Variants in WDR88 observed in about 807,000 individuals in gnomAD.
The protein encoded by WDR88 is WD repeat domain 88.
In WDR88, 40 loss-of-function variants were observed where a neutral mutation model predicts 46.8. The observed-to-expected ratio is 0.86, with a 90% CI of 0.66 to 1.11. The LOEUF is 1.11. Ranked by LOEUF, WDR88 falls within the 50% of genes most tolerant of loss-of-function variation. WDR88 has a pLI of 0.00. For synonymous variants in WDR88, 235 were observed against 240.7 expected (o/e 0.98, Z 0.22); for missense variants, 562 against 602.4 (o/e 0.93, Z 0.70).
chr19:33,174,940 G>A (rs1420472447), intron 10 of WDR88: 4 of 985,340 alleles, frequency 4.1e-6, no homozygotes, highest in Non-Finnish European at 3.6e-6. Flanking sequence ...TGGGGTTAGA[G>A]ATTCCAGAGA....
chr19:33,152,741 A>G (rs903738672), intron 6 of WDR88, among the ~76,000 whole-genome samples: 10 of 151,998 alleles, frequency 6.6e-5, no homozygotes, highest in African/African-American at 2.2e-4. Flanking sequence ...AGCTGGGATT[A>G]CAGGCGCCCA....
chr19:33,156,174 A>G (rs930995569), intron 6 of WDR88, among the ~76,000 whole-genome samples, 181 bp from the exon 7 acceptor site: 2 of 152,250 alleles, frequency 1.3e-5, no homozygotes, highest in Non-Finnish European at 2.9e-5. Flanking sequence ...CATGATGAAC[A>G]TGAGCTCACA....
chr19:33,132,323 A>G lies in WDR88; in HGVS notation c.154A>G (p.Thr52Ala). ...LGRFKLSIPH[T>A]HLLATLDPLA... is the part of the protein sequence containing the mutation. ...CCGCTTCAAGCTGTCGATCCCGCACACGCACCTGCTGGCCACCCTCGACCC... is the reference window on the plus strand; with the variant it reads ...CCGCTTCAAGCTGTCGATCCCGCACGCGCACCTGCTGGCCACCCTCGACCC... Residue 52 changes from threonine (T) to alanine (A), a missense_variant, in exon 1 of 11, where the codon ACG (threonine) becomes GCG (alanine). Physicochemically the swap from Thr to Ala is moderately conservative, Grantham distance 58 (BLOSUM62 0). Transcript: ENST00000355868. 1 of 1,614,106 alleles carries G rather than the reference A, an allele frequency of 6.2e-7. No homozygotes were observed. The highest frequency in any genetic ancestry group is 1.6e-4 in the Middle Eastern group (1 of 6,062).
intron 9 of WDR88, among the ~76,000 whole-genome samples, chr19:33,171,669 CTAT>C (rs537591829): frequency 6.7e-6 from 1 of 148,314 alleles, no homozygotes; most frequent in Non-Finnish European, 1.5e-5. Flanking sequence ...CTTTCAGGAA[CTAT>C]TATTAACTAA....
chr19:33,146,252 C>T (rs1311418662), intron 3 of WDR88, among the ~76,000 whole-genome samples: 5 of 152,076 alleles, frequency 3.3e-5, no homozygotes, highest in African/African-American at 7.2e-5. Context: ...GCTGAGGTCA[C>T]GCCATTGCAC....
chr19:33,157,683 GTATGTATATA>G (rs1175839982), intron 7 of WDR88, among the ~76,000 whole-genome samples: 109 of 6,448 alleles, frequency 0.017, 5 homozygotes, highest in East Asian at 0.05. Context: ...GTGTGTGTAT[GTATGTATATA>G]TATATATATA....
At chr19:33,144,981 T>G (rs3848599) in intron 3 of WDR88, 49 bp downstream of exon 3, 663,663 of 1,551,318 alleles carry the variant, frequency 0.43, 159,846 homozygotes, top group African/African-American at 0.9. Flanking sequence ...TGAGCAGGCA[T>G]GCCATAAATA....
intron 7 of WDR88, among the ~76,000 whole-genome samples, chr19:33,157,543 A>ATATATATATG (rs1568367345): frequency 1.8e-5 from 2 of 109,060 alleles, no homozygotes; most frequent in Non-Finnish European, 3.3e-5. Flanking sequence ...ATATATATGT[A>ATATATATATG]TATATATGTG....
chr19:33,169,558 TA>T (rs1257911787), intron 9 of WDR88, among the ~76,000 whole-genome samples: 1 of 150,932 alleles, frequency 6.6e-6, no homozygotes, highest in Non-Finnish European at 1.5e-5. Flanking sequence ...TCACATCTAT[TA>T]GGGGGTCTAT....
Position 33,132,462 on chromosome 19 carries a change from G to T in WDR88, c.276+17G>T, listed in dbSNP as rs1404835845. ...CTCTCCAAGGTCAGAACCGCCGCTG[G>T]GGTGAGGGGGCACTGGCCTGTTCCC... On this transcript the variant is annotated intron_variant, in intron 1 of 10. Coordinates refer to ENST00000355868, the MANE Select transcript of WDR88 (RefSeq NM_173479.4). 6.2e-7 allele frequency: 1 copy of T among 1,612,002 alleles called. No homozygotes were observed. The highest frequency in any genetic ancestry group is 2.2e-5 in the East Asian group (1 of 44,814).
chr19:33,136,819 C>T (rs149088301), intron 1 of WDR88, among the ~76,000 whole-genome samples: 3,606 of 152,084 alleles, frequency 0.024, 53 homozygotes, highest in Middle Eastern at 0.065. Context: ...TCAAGTGATC[C>T]GCCTGCTTCA....
Position 33,157,663 on chromosome 19 carries a change from A to ATG in WDR88, c.997+1123_997+1124dup, listed in dbSNP as rs3033603. ...TATGTGTGTGTGTATGTATATATGT[A>ATG]TGTATGTGTGTGTGTGTATGTATGT... On this transcript the variant is annotated intron_variant, in intron 7 of 10. Coordinates refer to ENST00000355868, the MANE Select transcript of WDR88 (RefSeq NM_173479.4). Among the ~76,000 whole-genome samples the ATG allele has an allele frequency of 1.2e-4, 10 of 85,598 alleles. 1 individual carries two copies. The highest frequency in any genetic ancestry group is 6.1e-4 in the Admixed American group (4 of 6,572). The allele number at this position is 85,598 out of a possible 152,430, so 56.2% of individuals were successfully genotyped here. A position where few individuals can be genotyped will look rare whatever the true frequency, so the allele number is the denominator to read the frequency against.
intron 5 of WDR88, among the ~76,000 whole-genome samples, chr19:33,150,341 A>C (rs1418078952): frequency 6.6e-6 from 1 of 152,142 alleles, no homozygotes; most frequent in Non-Finnish European, 1.5e-5. Flanking sequence ...AATCCCAGCT[A>C]CTCGGGAGGC....
rs1303269994 is a variant in WDR88, at chr19:33,157,603, GTA to G, written c.997+1069_997+1070del. On this transcript the variant is annotated intron_variant, in intron 7 of 10. Coordinates refer to ENST00000355868, the MANE Select transcript of WDR88 (RefSeq NM_173479.4). ...TATATATGTATATATGTGTATATAT[GTA>G]TATATATGTGTATATATATATGTAT... 6.7e-3 allele frequency among the ~76,000 whole-genome samples: 918 copies of G among 136,078 alleles called. 7 individuals are homozygous for G. The highest frequency in any genetic ancestry group is 8.0e-3 in the Non-Finnish European group (514 of 64,338). The allele number at this position is 136,078 out of a possible 152,430, so 89.3% of individuals were successfully genotyped here.
At chr19:33,148,219 C>A (rs1973559255) in intron 4 of WDR88, among the ~76,000 whole-genome samples, 1 of 152,016 alleles carries the variant, frequency 6.6e-6, no homozygotes, top group African/African-American at 2.4e-5. Context: ...CTCGGCCCTG[C>A]ACCCCTTCCA....
chr19:33,132,263 A>C lies in WDR88; in HGVS notation c.94A>C (p.Lys32Gln). Residue 32 changes from lysine to glutamine, a missense_variant, in exon 1 of 11, where the codon AAG (lysine) becomes CAG (glutamine). By Grantham distance (53) the Lys-to-Gln change is moderately conservative. Coordinates refer to ENST00000355868, the MANE Select transcript of WDR88 (RefSeq NM_173479.4). ...CCCCGCCAGCGAGTATTGTCCCGGC[A>C]AGCTGTCCTGGGGGACCATGGCGAG... ...SAPASEYCPG[K>Q]LSWGTMARAL... 6.2e-7 allele frequency: 1 copy of C among 1,613,254 alleles called. No homozygotes were observed. Among genetic ancestry groups the C allele is most frequent in the Non-Finnish European group, 8.5e-7 (1 of 1,179,968 alleles).
At chr19:33,169,224 G>A (rs1973998560) in intron 9 of WDR88, among the ~76,000 whole-genome samples, 1 of 152,116 alleles carries the variant, frequency 6.6e-6, no homozygotes, top group African/African-American at 2.4e-5. Flanking sequence ...GGCAATGAGA[G>A]CAAAAACAGA....
At chr19:33,165,489 T>C (rs1212729135) in intron 9 of WDR88, among the ~76,000 whole-genome samples, 1 of 152,234 alleles carries the variant, frequency 6.6e-6, no homozygotes. Context: ...TATTTTTTAC[T>C]TTTTTGTTCC....
intron 1 of WDR88, 143 bp downstream of exon 1, chr19:33,132,588 T>C (rs1303414478): frequency 3.4e-5 from 45 of 1,313,920 alleles, no homozygotes; most frequent in Non-Finnish European, 4.4e-5. Flanking sequence ...TCCCCATCTG[T>C]GGTACATCTG....
Sources: gnomAD v4.1 joint callset for allele counts (sites outside exome capture counted in the v4.1 genomes callset) on GRCh38, gnomAD v4.1.1 for gene constraint, MANE v1.5 for transcripts, NCBI Gene and HGNC (gene_info 2026-07-23, HGNC 2026-07-21) for gene names.